KMT2C: variants seen among roughly 807,000 people sequenced by gnomAD.
KMT2C encodes the protein histone-lysine N-methyltransferase 2C.
Under a neutral mutation model 507.9 loss-of-function variants are expected in KMT2C, and 88 were observed. The ratio of observed to expected loss-of-function variants is 0.17; its 90% CI spans 0.15 to 0.21. The LOEUF is 0.21. Among genes scored for constraint, KMT2C ranks in the 10% least tolerant of loss-of-function variants. The pLI is 1.00. For synonymous variants in KMT2C, 2,049 were observed against 2,080.8 expected (o/e 0.98, Z 0.42); for missense variants, 4,954 against 5,957.8 (o/e 0.83, Z 5.55).
chr7:152,253,828 T>G (rs373265618), intron 9 of KMT2C, among the ~76,000 whole-genome samples: 33 of 152,226 alleles, frequency 2.2e-4, no homozygotes, highest in African/African-American at 7.9e-4. Flanking sequence ...CTTACCAAAT[T>G]AGAATTGTTT....
At position 152,167,194 on chromosome 7, in the gene KMT2C, G is replaced by C; in HGVS notation, c.9702C>G (p.Leu3234=). ...TGCTTTGCTGTTCAGTAACATGCTT[G>C]AGTTGTTCTGCATCTTCCTCTGGAA... ...REFPEEDAEQ[L]KHVTEQQSMV... Residue 3234 remains leucine (L), a synonymous_variant, in exon 42 of 59, where the codon CTC becomes CTG. Transcript: ENST00000262189. 1.2e-6 allele frequency: 2 copies of C among 1,614,120 alleles called. No individual in the cohort carries two copies. Among genetic ancestry groups the C allele is most frequent in the Non-Finnish European group, 1.7e-6 (2 of 1,180,028 alleles).
intron 2 of KMT2C, among the ~76,000 whole-genome samples, chr7:152,333,217 C>A (rs1395354743): frequency 6.6e-6 from 1 of 152,078 alleles, no homozygotes; most frequent in South Asian, 2.1e-4. Flanking sequence ...TATGATCATT[C>A]GCATTCTTGG....
chr7:152,330,476 T>C, intron 3 of KMT2C, 125 bp downstream of exon 3: 1 of 902,740 alleles, frequency 1.1e-6, no homozygotes, highest in Non-Finnish European at 1.7e-6. Flanking sequence ...CAAATTTAGC[T>C]ACTAAATCAT....
chr7:152,153,912 A>C (rs879380778), intron 48 of KMT2C, 98 bp downstream of exon 48: 71 of 1,217,000 alleles, frequency 5.8e-5, no homozygotes, highest in Non-Finnish European at 8.1e-5. Flanking sequence ...CTTTATCCTC[A>C]GTGATCCTGT....
At chr7:152,356,760 T>C (rs1176815580) in intron 2 of KMT2C, among the ~76,000 whole-genome samples, 2 of 149,644 alleles carry the variant, frequency 1.3e-5, no homozygotes, top group African/African-American at 5.0e-5. Flanking sequence ...CGTGGTGGCA[T>C]CCACCTATAG....
intron 16 of KMT2C, among the ~76,000 whole-genome samples, chr7:152,235,329 C>T (rs1588460518): frequency 6.6e-6 from 1 of 151,942 alleles, no homozygotes; most frequent in South Asian, 2.1e-4. Flanking sequence ...AGAATCTAAG[C>T]TTCCTTATTC....
In KMT2C at chr7:152,435,984, T is replaced by C. The variant is rs1590055996; in HGVS notation, c.-198A>G. ...CGAGCAGGACACGCACTCACACACA[T>C]CGGCGCGGGCGCGCGCACCTCCGCG... On this transcript the variant is annotated 5_prime_UTR_variant, in exon 1 of 59. An upstream start codon of the reference 5' UTR is lost. Coordinates refer to ENST00000262189, the MANE Select transcript of KMT2C (RefSeq NM_170606.3). The C allele has an allele frequency of 1.0e-5, 3 of 285,870 alleles. No homozygotes were observed. The highest frequency in any genetic ancestry group is 1.1e-4 in the East Asian group (2 of 18,394). 17.7% of individuals were successfully genotyped at this position (285,870 alleles called of 1,614,324 possible). A position where few individuals can be genotyped will look rare whatever the true frequency, so the allele number is the denominator to read the frequency against.
Position 152,250,969 on chromosome 7 carries a change from T to C in KMT2C, c.1622-3A>G. 1 of 1,484,254 alleles carries C rather than the reference T, an allele frequency of 6.7e-7. No individual in the cohort carries two copies. 91.9% of individuals were successfully genotyped at this position (1,484,254 alleles called of 1,614,324 possible). A position where few individuals can be genotyped will look rare whatever the true frequency, so the allele number is the denominator to read the frequency against. On this transcript the variant is annotated splice_polypyrimidine_tract_variant and splice_region_variant and intron_variant, in intron 11 of 58. Coordinates refer to ENST00000262189, the MANE Select transcript of KMT2C (RefSeq NM_170606.3). Reference sequence around the variant, plus strand: ...AACTTCCATTTCATTGTTATAATCTTAACAAAAAATTATTAATTCTTTAGC... The same window carrying C: ...AACTTCCATTTCATTGTTATAATCTCAACAAAAAATTATTAATTCTTTAGC...
rs2092654449 is a variant in KMT2C at position 152,164,751 on chromosome 7, G to C, written c.9751-925C>G. On this transcript the variant is annotated intron_variant, in intron 42 of 58. Transcript: ENST00000262189. ...TCCGAGGAAGTATTTTGAATAGTCT[G>C]TAAATAGACTCTTAATATAATGGCT... Among the ~76,000 whole-genome samples the C allele has an allele frequency of 3.3e-5, 5 of 152,160 alleles. No individual in the cohort carries two copies. The South Asian group carries it at 1.0e-3, about 32-fold the overall frequency.
intron 18 of KMT2C, among the ~76,000 whole-genome samples, chr7:152,225,707 T>C (rs1288508848): frequency 1.3e-5 from 2 of 152,114 alleles, no homozygotes; most frequent in East Asian, 3.9e-4. Context: ...AGTTTAAGGA[T>C]GAGAACAACA....
chr7:152,241,104 C>G (rs548320416), intron 14 of KMT2C, among the ~76,000 whole-genome samples: 44 of 152,350 alleles, frequency 2.9e-4, no homozygotes, highest in African/African-American at 1.0e-3. Context: ...TCCTTGCTGT[C>G]CTTCAAACAT....
intron 53 of KMT2C, among the ~76,000 whole-genome samples, chr7:152,145,746 G>T (rs1175564353): frequency 6.6e-6 from 1 of 152,146 alleles, no homozygotes. Flanking sequence ...TTTCTTTCTT[G>T]ATCGTTTCTC....
In KMT2C at chr7:152,368,005, A is replaced by G. The variant is rs2129239109; in HGVS notation, c.162-9330T>C. 3.5e-6 allele frequency: 3 copies of G among 849,796 alleles called. No homozygotes were observed. The East Asian group carries it at 7.4e-5, about 21-fold the overall frequency. 52.6% of individuals were successfully genotyped at this position (849,796 alleles called of 1,614,324 possible). ...ATAATGAAAGAAATCCAAGAACATA[A>G]AATTAAGATATATGATTTTCCAGAA... On this transcript the variant is annotated intron_variant, in intron 1 of 58. Transcript: ENST00000262189.
chr7:152,321,268 A>T (rs2096770868), intron 3 of KMT2C, among the ~76,000 whole-genome samples: 1 of 151,914 alleles, frequency 6.6e-6, no homozygotes. Flanking sequence ...TAAATTTGGA[A>T]ACTAGAAAAG....
rs577311018 is a variant in KMT2C at position 152,139,099 on chromosome 7, G to C, written c.14534+87C>G. 9.2e-6 allele frequency: 12 copies of C among 1,305,010 alleles called. No homozygotes were observed. The East Asian group carries it at 1.8e-4, about 20-fold the overall frequency. The allele number at this position is 1,305,010 out of a possible 1,614,324, so 80.8% of individuals were successfully genotyped here. On this transcript the variant is annotated intron_variant, in intron 57 of 58. Transcript: ENST00000262189. ...TTTAGTCACCGCCAGGCTGCCGTGA[G>C]AGCCTTTCCCTTGGCTTCAGTGTTC... is the stretch of plus-strand genomic sequence containing the variant.
chr7:152,261,074 A>T (rs1409637212), intron 9 of KMT2C, among the ~76,000 whole-genome samples: 3 of 152,108 alleles, frequency 2.0e-5, no homozygotes, highest in Non-Finnish European at 4.4e-5. Flanking sequence ...CCATCAATCC[A>T]AACAGTTACC....
At chr7:152,249,849 A>G in intron 13 of KMT2C, 27 bp downstream of exon 13, 2 of 1,389,574 alleles carry the variant, frequency 1.4e-6, no homozygotes, top group Non-Finnish European at 1.0e-6. Context: ...ACTCAATCAA[A>G]TTAGACAATA....
At chr7:152,418,380 G>A (rs1162987598) in intron 1 of KMT2C, among the ~76,000 whole-genome samples, 1 of 152,176 alleles carries the variant, frequency 6.6e-6, no homozygotes, top group Non-Finnish European at 1.5e-5. Context: ...GGTGAGAAGA[G>A]GAAAAGGGGA....
At chr7:152,328,803 A>G (rs1240775708) in intron 3 of KMT2C, among the ~76,000 whole-genome samples, 1 of 152,184 alleles carries the variant, frequency 6.6e-6, no homozygotes, top group Non-Finnish European at 1.5e-5. Flanking sequence ...ACAAGGTATG[A>G]GAAAAGATAG....
Sources: allele counts gnomAD v4.1 joint callset (sites outside exome capture counted in the v4.1 genomes callset), GRCh38; gene constraint gnomAD v4.1.1; transcripts MANE v1.5; gene names NCBI Gene and HGNC (gene_info 2026-07-23, HGNC 2026-07-21).